Variants in ERC2 observed in about 807,000 individuals in gnomAD.
ERC2 encodes the protein ELKS/RAB6-interacting/CAST family member 2.
In ERC2, 42 loss-of-function variants were observed where a neutral mutation model predicts 114.8. The ratio of observed to expected loss-of-function variants is 0.37; its 90% CI spans 0.29 to 0.47. The LOEUF is 0.47. Ranked by LOEUF, ERC2 falls within the 20% of genes least tolerant of loss-of-function variation. The probability of loss-of-function intolerance (pLI) is 0.99; values close to 1 mark genes in which losing one functional copy is unlikely to be tolerated. For missense variants in ERC2, 939 were observed against 1,150.7 expected, an observed-to-expected ratio of 0.82 and a Z score of 2.66; for synonymous variants, 454 against 425.5, an observed-to-expected ratio of 1.07 and a Z score of -0.82.
chr3:56,074,175 A>G (rs1338361689), intron 7 of ERC2, among the ~76,000 whole-genome samples: 1 of 152,148 alleles, frequency 6.6e-6, no homozygotes. Flanking sequence ...TAAACTAGGA[A>G]AAACACCAGA....
At chr3:56,300,945 C>T (rs1184736473) in intron 2 of ERC2, among the ~76,000 whole-genome samples, 1 of 152,122 alleles carries the variant, frequency 6.6e-6, no homozygotes, top group East Asian at 1.9e-4. Flanking sequence ...TAGAAATTCT[C>T]AAAAATAAGA....
At chr3:56,230,058 G>A (rs1300372416) in intron 3 of ERC2, among the ~76,000 whole-genome samples, 1 of 151,594 alleles carries the variant, frequency 6.6e-6, no homozygotes, top group African/African-American at 2.4e-5. Flanking sequence ...TAGAGACAGG[G>A]TTTCACCATA....
chr3:55,629,054 C>T (rs2059637710), intron 17 of ERC2, among the ~76,000 whole-genome samples: 2 of 152,168 alleles, frequency 1.3e-5, no homozygotes, highest in South Asian at 4.1e-4. Flanking sequence ...TGCAGATGAA[C>T]TACTGTAAAG....
chr3:56,079,014 T>C (rs1442863981), intron 7 of ERC2, among the ~76,000 whole-genome samples: 1 of 152,028 alleles, frequency 6.6e-6, no homozygotes, highest in Non-Finnish European at 1.5e-5. Flanking sequence ...AAAAAAGGCC[T>C]GTAACAAAGC....
chr3:55,964,809 G>T (rs1559943537), intron 12 of ERC2, among the ~76,000 whole-genome samples: 1 of 152,136 alleles, frequency 6.6e-6, no homozygotes, highest in Non-Finnish European at 1.5e-5. Context: ...TCAGGTCGTT[G>T]GCAGGATTCC....
chr3:55,999,115 A>G (rs1318644976), intron 10 of ERC2, among the ~76,000 whole-genome samples: 11 of 152,208 alleles, frequency 7.2e-5, no homozygotes, highest in Non-Finnish European at 4.4e-5. Context: ...CAAGGGCTAC[A>G]GCAAACAAGG....
At chr3:55,952,168 C>CTATATAT (rs1218868491) in intron 12 of ERC2, among the ~76,000 whole-genome samples, 1 of 70,350 alleles carries the variant, frequency 1.4e-5, no homozygotes, top group African/African-American at 4.9e-5. Context: ...CACACACACA[C>CTATATAT]ACACACACAC....
intron 15 of ERC2, among the ~76,000 whole-genome samples, chr3:55,703,173 C>T (rs1269291175): frequency 6.6e-6 from 1 of 152,170 alleles, no homozygotes; most frequent in Non-Finnish European, 1.5e-5. Context: ...GCCAGAGTGA[C>T]ATCAGATTTC....
chr3:56,125,476 G>A (rs934941376), intron 6 of ERC2, among the ~76,000 whole-genome samples: 4 of 152,208 alleles, frequency 2.6e-5, no homozygotes, highest in Non-Finnish European at 5.9e-5. Context: ...TTCCAGGGAA[G>A]TTATCATGAA....
chr3:56,443,275 C>A (rs2062402741), intron 1 of ERC2, among the ~76,000 whole-genome samples: 2 of 152,182 alleles, frequency 1.3e-5, no homozygotes, highest in South Asian at 4.1e-4. Flanking sequence ...TCAAATCAAA[C>A]AGGAAATTCA....
chr3:56,221,260 AG>A (rs993487407), intron 3 of ERC2, among the ~76,000 whole-genome samples: 12 of 152,252 alleles, frequency 7.9e-5, no homozygotes, highest in Admixed American at 5.9e-4. Context: ...ACTAAGCATT[AG>A]CAAGTGTCAA....
chr3:55,603,398 C>T (rs1428206370), intron 17 of ERC2, among the ~76,000 whole-genome samples: 5 of 152,048 alleles, frequency 3.3e-5, no homozygotes, highest in East Asian at 1.9e-4. Context: ...TTTGGGAGGC[C>T]GAGGCAGGCG....
At chr3:56,461,036 T>C (rs1010177845) in intron 1 of ERC2, among the ~76,000 whole-genome samples, 4 of 145,326 alleles carry the variant, frequency 2.8e-5, no homozygotes, top group African/African-American at 5.1e-5. Flanking sequence ...AGGTGCACTA[T>C]ACAATATGTC....
chr3:55,740,416 A>C (rs1276187783), intron 14 of ERC2, among the ~76,000 whole-genome samples: 1 of 152,086 alleles, frequency 6.6e-6, no homozygotes, highest in African/African-American at 2.4e-5. Context: ...ATAATCATAG[A>C]ACTCTAAATA....
At chr3:55,584,226 C>A (rs555542813) in intron 17 of ERC2, among the ~76,000 whole-genome samples, 2 of 152,292 alleles carry the variant, frequency 1.3e-5, no homozygotes, top group African/African-American at 2.4e-5. Context: ...GAAGCCTGGG[C>A]CTGCCCCTTC....
intron 14 of ERC2, among the ~76,000 whole-genome samples, chr3:55,880,784 T>C (rs1156677107): frequency 2.0e-5 from 3 of 147,866 alleles, no homozygotes; most frequent in Non-Finnish European, 3.0e-5. Context: ...AAGAATAGTA[T>C]TATAGCAAAA....
intron 3 of ERC2, among the ~76,000 whole-genome samples, chr3:56,285,204 A>G (rs1250425392): frequency 6.6e-6 from 1 of 150,590 alleles, no homozygotes; most frequent in Non-Finnish European, 1.5e-5. Flanking sequence ...CCTCAATAAA[A>G]CCAAGTTTCA....
At chr3:56,468,031 G>T (rs1434216966) in intron 1 of ERC2, among the ~76,000 whole-genome samples, 4 of 152,082 alleles carry the variant, frequency 2.6e-5, no homozygotes, top group African/African-American at 7.2e-5. Flanking sequence ...CAATCCGGGG[G>T]TTTATACATC....
intron 16 of ERC2, among the ~76,000 whole-genome samples, chr3:55,692,902 C>A (rs1050998123): frequency 7.9e-5 from 12 of 152,218 alleles, no homozygotes; most frequent in African/African-American, 2.9e-4. Context: ...AAGAGAAGGC[C>A]AAATCTAGGC....
Sources: allele counts gnomAD v4.1 joint callset (sites outside exome capture counted in the v4.1 genomes callset), GRCh38; gene constraint gnomAD v4.1.1; transcripts MANE v1.5; gene names NCBI Gene and HGNC (gene_info 2026-07-23, HGNC 2026-07-21).